BCAS3: variants seen among roughly 807,000 people sequenced by gnomAD.
BCAS3 encodes BCAS4/BCAS3 fusion.
BCAS3 carries 53 observed loss-of-function variants against 116.1 expected under a neutral mutation model. The ratio of observed to expected loss-of-function variants is 0.46; its 90% CI spans 0.37 to 0.57. BCAS3 has a LOEUF of 0.57. Ranked by LOEUF, BCAS3 falls within the 20% of genes least tolerant of loss-of-function variation. BCAS3 has a pLI of 0.00. For missense variants in BCAS3, 917 were observed against 1,165.4 expected, an observed-to-expected ratio of 0.79 and a Z score of 3.10; for synonymous variants, 391 against 408.2, an observed-to-expected ratio of 0.96 and a Z score of 0.51.
rs74511251 is a variant in BCAS3, at chr17:60,789,269, A to G, written c.404-18735A>G. Among the ~76,000 whole-genome samples, 28 of 152,214 alleles carry G rather than the reference A, an allele frequency of 1.8e-4. No homozygotes were observed. The East Asian group carries it at 4.8e-3, about 26-fold the overall frequency. On this transcript the variant is annotated intron_variant, in intron 6 of 23. Coordinates refer to ENST00000407086, the MANE Select transcript of BCAS3 (RefSeq NM_017679.5). Reference sequence around the variant, plus strand: ...TTGGACCCAGGCAGAAGCTGTTTCTATTTTATGTCTTGAAAAATCCTTAAG... The same window carrying G: ...TTGGACCCAGGCAGAAGCTGTTTCTGTTTTATGTCTTGAAAAATCCTTAAG...
intron 16 of BCAS3, among the ~76,000 whole-genome samples, chr17:61,022,194 A>G (rs2065919924): frequency 6.6e-6 from 1 of 152,094 alleles, no homozygotes; most frequent in Non-Finnish European, 1.5e-5. Context: ...TAAATCTGGG[A>G]ATTTTTTTTG....
chr17:61,270,191 C>T (rs2050126604), intron 22 of BCAS3, among the ~76,000 whole-genome samples: 1 of 145,490 alleles, frequency 6.9e-6, no homozygotes, highest in Non-Finnish European at 1.5e-5. Flanking sequence ...GCGATCCCGG[C>T]TTACCGCAAC....
chr17:60,720,768 T>A (rs2039148630), intron 5 of BCAS3, among the ~76,000 whole-genome samples: 1 of 152,250 alleles, frequency 6.6e-6, no homozygotes, highest in Non-Finnish European at 1.5e-5. Flanking sequence ...TATGTGCAGA[T>A]ACCATGCCAT....
chr17:61,166,929 T>G (rs576437170), intron 22 of BCAS3, among the ~76,000 whole-genome samples: 5 of 152,004 alleles, frequency 3.3e-5, no homozygotes, highest in Admixed American at 3.3e-4. Flanking sequence ...TACTCACTAC[T>G]CCATCTCTAC....
chr17:60,850,451 T>C (rs1599148256), intron 7 of BCAS3, among the ~76,000 whole-genome samples: 1 of 141,842 alleles, frequency 7.1e-6, no homozygotes, highest in Non-Finnish European at 1.5e-5. Flanking sequence ...CTCTGCCTCC[T>C]CAGTTCAAAT....
In BCAS3 at chr17:60,961,184, G is replaced by A. The variant is rs568311982; in HGVS notation, c.1221+13832G>A. On this transcript the variant is annotated intron_variant, in intron 14 of 23. Coordinates refer to ENST00000407086, the MANE Select transcript of BCAS3 (RefSeq NM_017679.5). The surrounding 1 kb of genome is among the most constrained non-coding windows in gnomAD (Gnocchi z 4.8). ...GCAGTAAGGGAGACATTTGAGGTCA[G>A]GGAGAAATTTTGAAAAACTTATATC... Among the ~76,000 whole-genome samples, 3 of 152,260 alleles carry A rather than the reference G, an allele frequency of 2.0e-5. No individual in the cohort carries two copies. Among genetic ancestry groups the A allele is most frequent in the African/African-American group, 7.2e-5 (3 of 41,570 alleles).
chr17:60,817,211 A>G (rs1023082437), intron 7 of BCAS3, among the ~76,000 whole-genome samples: 4 of 152,196 alleles, frequency 2.6e-5, no homozygotes, highest in Non-Finnish European at 4.4e-5. Context: ...TCATACCATA[A>G]TAATTCCAGA....
At chr17:60,715,958 T>G (rs1018815254) in intron 5 of BCAS3, among the ~76,000 whole-genome samples, 3 of 151,446 alleles carry the variant, frequency 2.0e-5, no homozygotes, top group Admixed American at 6.6e-5. Flanking sequence ...TGCCTCCCAG[T>G]TTCAAGCAGT....
chr17:61,069,834 TAAAAAAAAAAA>T lies in BCAS3; in HGVS notation c.2030-5075_2030-5065del, dbSNP rs746344496. ...CTGGGTAACAGAGTGAGACCCTGTG[TAAAAAAAAAAA>T]AAAAAAAAAAGACCCTTTTCACAAG... On this transcript the variant is annotated intron_variant, in intron 19 of 23. Transcript: ENST00000407086. 95 of 606,988 alleles carry T rather than the reference TAAAAAAAAAAA, an allele frequency of 1.6e-4. 1 individual carries two copies. The highest frequency in any genetic ancestry group is 1.4e-3 in the South Asian group (84 of 60,292). The allele number at this position is 606,988 out of a possible 1,614,324, so 37.6% of individuals were successfully genotyped here.
chr17:60,747,176 T>C (rs747471424), intron 5 of BCAS3, 22 bp from the exon 6 acceptor site: 2 of 1,539,798 alleles, frequency 1.3e-6, no homozygotes, highest in Non-Finnish European at 8.9e-7. Flanking sequence ...CACTGAAATA[T>C]TTTCTTTCTT....
At chr17:60,965,588 A>G (rs933080353) in intron 14 of BCAS3, among the ~76,000 whole-genome samples, 6 of 152,062 alleles carry the variant, frequency 3.9e-5, no homozygotes, top group African/African-American at 1.2e-4. Flanking sequence ...TTTCTTAATT[A>G]ATTTCTTCAT....
intron 19 of BCAS3, among the ~76,000 whole-genome samples, chr17:61,067,735 A>C (rs1487730186): frequency 1.4e-5 from 2 of 146,904 alleles, no homozygotes; most frequent in Admixed American, 6.8e-5. Flanking sequence ...ACAAAAAAAA[A>C]AAAAAATATA....
Position 61,019,002 on chromosome 17 carries a change from A to AT in BCAS3, c.1637+3102dup, listed in dbSNP as rs2065687436. ...CTATTAATATAGAGTACAGTGACTG[A>AT]TAAGACTTTGATGATAGTGGTCAGT... On this transcript the variant is annotated intron_variant, in intron 16 of 23. Transcript: ENST00000407086. This position sits in a 1 kb window ranked among gnomAD's most constrained non-coding sequence, Gnocchi z 5.6. 3.3e-5 allele frequency among the ~76,000 whole-genome samples: 5 copies of AT among 152,136 alleles called. No homozygotes were observed. Among genetic ancestry groups the AT allele is most frequent in the African/African-American group, 1.2e-4 (5 of 41,430 alleles).
chr17:61,243,013 G>A lies in BCAS3; in HGVS notation c.2426-125314G>A, dbSNP rs746456886. Among the ~76,000 whole-genome samples, 2 of 151,918 alleles carry A rather than the reference G, an allele frequency of 1.3e-5. No homozygotes were observed. The highest frequency in any genetic ancestry group is 4.8e-5 in the African/African-American group (2 of 41,446). On this transcript the variant is annotated intron_variant, in intron 22 of 23. Transcript: ENST00000407086. The surrounding 1 kb of genome is among the most constrained non-coding windows in gnomAD (Gnocchi z 5.6). ...TGCAACCTCTGCCTCTTGGGTTCAA[G>A]CAATTCTCCTGCCTCAGCCTCCCAA...
At chr17:61,091,346 A>G (rs1263460247) in intron 22 of BCAS3, among the ~76,000 whole-genome samples, 1 of 152,188 alleles carries the variant, frequency 6.6e-6, no homozygotes, top group Non-Finnish European at 1.5e-5. Flanking sequence ...TGCCTCTCAT[A>G]CAGGGCTGGA....
chr17:60,945,040 C>T (rs1015932062), intron 13 of BCAS3, among the ~76,000 whole-genome samples: 3 of 152,006 alleles, frequency 2.0e-5, no homozygotes, highest in South Asian at 2.1e-4. Flanking sequence ...TCCTAAACTA[C>T]GTAATTGTCA....
At chr17:60,710,320 A>G (rs937154949) in intron 5 of BCAS3, among the ~76,000 whole-genome samples, 3 of 152,132 alleles carry the variant, frequency 2.0e-5, no homozygotes, top group African/African-American at 7.2e-5. Context: ...ATAAGCAAAC[A>G]TGTATTACCT....
At chr17:61,092,777 A>G (rs1399003023) in intron 22 of BCAS3, among the ~76,000 whole-genome samples, 1 of 150,334 alleles carries the variant, frequency 6.7e-6, no homozygotes, top group Non-Finnish European at 1.5e-5. Flanking sequence ...CATTGCAAAT[A>G]TTTTCTTTCA....
At chr17:61,014,330 A>C (rs1176924602) in intron 15 of BCAS3, among the ~76,000 whole-genome samples, 2 of 152,130 alleles carry the variant, frequency 1.3e-5, no homozygotes, top group Non-Finnish European at 2.9e-5. Flanking sequence ...ACTCACTAGA[A>C]AACTACAGTA....
Sources: allele counts gnomAD v4.1 joint callset (sites outside exome capture counted in the v4.1 genomes callset), GRCh38; gene constraint gnomAD v4.1.1; non-coding constraint Gnocchi (gnomAD v3.1); transcripts MANE v1.5; gene names NCBI Gene and HGNC (gene_info 2026-07-23, HGNC 2026-07-21).